FAM53A: variants seen among roughly 807,000 people sequenced by gnomAD.
FAM53A encodes the protein protein FAM53A.
A neutral mutation model predicts 26.6 loss-of-function variants in FAM53A; 28 were observed. The ratio of observed to expected loss-of-function variants is 1.05; its 90% confidence interval spans 0.78 to 1.45. The LOEUF (loss-of-function observed/expected upper bound fraction) is 1.45. Among genes scored for constraint, FAM53A ranks in the 40% most tolerant of loss-of-function variants. The pLI, the probability that FAM53A is intolerant of heterozygous loss-of-function variation, is 0.00. For synonymous variants in FAM53A, 290 were observed against 253.1 expected (o/e 1.15, Z -1.38); for missense variants, 650 against 575.8 (o/e 1.13, Z -1.32).
chr4:1,674,199 G>T (rs1714877388), intron 1 of FAM53A, among the ~76,000 whole-genome samples: 1 of 152,168 alleles, frequency 6.6e-6, no homozygotes, highest in Non-Finnish European at 1.5e-5. Context: ...GGGGCTCTGG[G>T]AGTCCTCGGC....
At position 1,630,730 on chromosome 4, in the gene FAM53A, G is replaced by A. The variant is rs1205363769; in HGVS notation, c.432-12619C>T. On this transcript the variant is annotated intron_variant, in intron 1 of 1. Coordinates refer to the FAM53A transcript ENST00000489029. The surrounding 1 kb of genome is among the most constrained non-coding windows in gnomAD (Gnocchi z 4.3). ...GCCCAGCTCCACAGAGACAACAAGC[G>A]GAGGGGAGGCTGCCAGGGCAGGGCA... is the stretch of plus-strand genomic sequence containing the variant. Among the ~76,000 whole-genome samples the A allele has an allele frequency of 2.6e-5, 4 of 152,206 alleles. No individual in the cohort carries two copies. Among genetic ancestry groups the A allele is most frequent in the Non-Finnish European group, 4.4e-5 (3 of 68,044 alleles).
At chr4:1,646,187 G>A (rs1324427821) in intron 4 of FAM53A, among the ~76,000 whole-genome samples, 1 of 151,680 alleles carries the variant, frequency 6.6e-6, no homozygotes, top group Non-Finnish European at 1.5e-5. Flanking sequence ...TGCAACCTCC[G>A]CCTCCCGGGT....
At chr4:1,615,750 T>C (rs1714791092), downstream of FAM53A, among the ~76,000 whole-genome samples, 1 of 152,216 alleles carries the variant, frequency 6.6e-6, no homozygotes, top group South Asian at 2.1e-4. Context: ...CAAGTACTGA[T>C]TTGGGGGTTG....
In FAM53A at chr4:1,660,365, G is replaced by A. The variant is rs566111804; in HGVS notation, c.76-2897C>T. Among the ~76,000 whole-genome samples, 7 of 152,000 alleles carry A rather than the reference G, an allele frequency of 4.6e-5. No individual in the cohort carries two copies. In the South Asian group the frequency reaches 1.5e-3, roughly 32 times the overall value. ...GAAATCCCAGCACTGTGGGGGCTGA[G>A]GTGGGAAGATCACTTGAGCCCAGGA... On this transcript the variant is annotated intron_variant, in intron 2 of 4. Transcript: ENST00000308132.
chr4:1,652,813 A>AC (rs1484346035), intron 4 of FAM53A, among the ~76,000 whole-genome samples: 38 of 142,674 alleles, frequency 2.7e-4, no homozygotes, highest in African/African-American at 1.0e-3. Flanking sequence ...TCACACACAC[A>AC]CCACATACTA....
intron 2 of FAM53A, among the ~76,000 whole-genome samples, chr4:1,658,740 C>T (rs1368939017): frequency 6.6e-6 from 1 of 152,256 alleles, no homozygotes; most frequent in Non-Finnish European, 1.5e-5. Flanking sequence ...CTTCCACGCA[C>T]TGGCCCGTGC....
At chr4:1,608,555 G>A in the FAM53A span, among the ~76,000 whole-genome samples, 1 of 152,212 alleles carries the variant, frequency 6.6e-6, no homozygotes, top group African/African-American at 2.4e-5. Context: ...TGAGGCCCCT[G>A]GTGGGAGGGC....
intron 4 of FAM53A, among the ~76,000 whole-genome samples, chr4:1,643,185 C>T (rs1042484277): frequency 1.3e-5 from 2 of 152,162 alleles, no homozygotes; most frequent in Admixed American, 6.5e-5. Flanking sequence ...GACAAATTGA[C>T]GCCAGGCATG....
intron 1 of FAM53A, among the ~76,000 whole-genome samples, chr4:1,621,228 C>T (rs1048306122): frequency 2.6e-5 from 4 of 151,646 alleles, no homozygotes; most frequent in African/African-American, 7.3e-5. Context: ...CTCAGCCTCC[C>T]GCATAACTGG....
the FAM53A span, among the ~76,000 whole-genome samples, chr4:1,606,423 G>T: frequency 6.6e-6 from 1 of 151,978 alleles, no homozygotes; most frequent in Non-Finnish European, 1.5e-5. Context: ...TCTTCCCGCC[G>T]CGGGCTCCTC....
the FAM53A span, among the ~76,000 whole-genome samples, chr4:1,584,567 G>C: frequency 6.6e-6 from 1 of 152,368 alleles, no homozygotes; most frequent in South Asian, 2.1e-4. Context: ...AGAGAAAGTG[G>C]CATGTGGCTG....
At chr4:1,649,470 G>A (rs891941188) in intron 4 of FAM53A, among the ~76,000 whole-genome samples, 5 of 152,214 alleles carry the variant, frequency 3.3e-5, no homozygotes, top group Admixed American at 1.3e-4. Context: ...AGTGGAGCCC[G>A]ATCCTCCTCC....
the FAM53A span, among the ~76,000 whole-genome samples, chr4:1,576,877 G>A: frequency 6.6e-6 from 1 of 152,204 alleles, no homozygotes; most frequent in Non-Finnish European, 1.5e-5. Context: ...AAAATGGGGC[G>A]CAGGGCGGCC....
rs1167045034 is a variant in FAM53A at position 1,640,974 on chromosome 4, A to G, written c.*319T>C. On this transcript the variant is annotated 3_prime_UTR_variant, in exon 5 of 5. Transcript: ENST00000308132. ...GCAGGCGGCAGCCGTGGCCCCGACC[A>G]GCTCACAGGAAACCTACTCTGTGCC... 2 of 403,600 alleles carry G rather than the reference A, an allele frequency of 5.0e-6. No individual in the cohort carries two copies. The highest frequency in any genetic ancestry group is 8.0e-5 in the Admixed American group (2 of 24,898). 25.0% of individuals were successfully genotyped at this position (403,600 alleles called of 1,614,324 possible).
At chr4:1,666,642 T>G (rs1219755423) in intron 2 of FAM53A, among the ~76,000 whole-genome samples, 1 of 152,274 alleles carries the variant, frequency 6.6e-6, no homozygotes, top group East Asian at 1.9e-4. Flanking sequence ...CTGATAGGCA[T>G]GTGCCGCTCT....
intron 1 of FAM53A, among the ~76,000 whole-genome samples, chr4:1,675,905 C>T (rs1033661692): frequency 3.3e-5 from 5 of 152,204 alleles, no homozygotes; most frequent in Non-Finnish European, 4.4e-5. Context: ...GCAGCAGGGA[C>T]GAGCCCCCAC....
At chr4:1,682,608 G>A (rs2109087403) in intron 1 of FAM53A, among the ~76,000 whole-genome samples, 1 of 152,052 alleles carries the variant, frequency 6.6e-6, no homozygotes, top group East Asian at 1.9e-4. Flanking sequence ...CAATGCACCG[G>A]TGAAAAATAC....
downstream of FAM53A, among the ~76,000 whole-genome samples, chr4:1,615,954 T>A (rs377663147): frequency 4.0e-4 from 61 of 152,248 alleles, 2 homozygotes; most frequent in East Asian, 7.5e-3. Flanking sequence ...CGTTTGGCTG[T>A]TTCAACAGAG....
At chr4:1,657,596 C>A (rs576637707) in intron 2 of FAM53A, 128 bp from the exon 3 acceptor site, 14 of 798,116 alleles carry the variant, frequency 1.8e-5, no homozygotes, top group East Asian at 2.7e-5. Context: ...TTAAAATAAG[C>A]ACAGTTTTAT....
Sources: allele counts gnomAD v4.1 joint callset (sites outside exome capture counted in the v4.1 genomes callset), GRCh38; gene constraint gnomAD v4.1.1; non-coding constraint Gnocchi (gnomAD v3.1); transcripts MANE v1.5; gene names NCBI Gene and HGNC (gene_info 2026-07-23, HGNC 2026-07-21).